The following LRRC4C variants were observed in gnomAD, a reference collection of about 807,000 sequenced individuals.
The protein encoded by LRRC4C is leucine rich repeat containing 4C, also known as leucine-rich repeat-containing protein 4C.
Under a neutral mutation model 33.6 loss-of-function variants are expected in LRRC4C, and 5 were observed. The ratio of observed to expected loss-of-function variants is 0.15; its 90% CI spans 0.08 to 0.31. The LOEUF (loss-of-function observed/expected upper bound fraction) is 0.31. LRRC4C is among the 10% of genes least tolerant of loss of function. LRRC4C has a pLI of 1.00. For synonymous variants in LRRC4C, 329 were observed against 302.0 expected (o/e 1.09, Z -0.93); for missense variants, 560 against 796.7 (o/e 0.70, Z 3.58).
intron 3 of LRRC4C, among the ~76,000 whole-genome samples, chr11:40,327,750 C>G (rs1946168438): frequency 6.6e-6 from 1 of 151,844 alleles, no homozygotes; most frequent in Admixed American, 6.6e-5. Flanking sequence ...TATTAAACTC[C>G]AACAAAAATA....
chr11:40,868,171 G>A (rs1208671145), intron 2 of LRRC4C, among the ~76,000 whole-genome samples: 2 of 152,116 alleles, frequency 1.3e-5, no homozygotes, highest in Non-Finnish European at 2.9e-5. Context: ...GGAATGGCTG[G>A]GGGATGCTTG....
chr11:40,460,821 T>G lies in LRRC4C; in HGVS notation c.-269-141100A>C, dbSNP rs564757888. Among the ~76,000 whole-genome samples the G allele has an allele frequency of 2.6e-5, 4 of 152,220 alleles. No individual in the cohort carries two copies. In the South Asian group the frequency reaches 6.2e-4, roughly 24 times the overall value. On this transcript the variant is annotated intron_variant, in intron 3 of 6. Coordinates refer to ENST00000528697, the MANE Select transcript of LRRC4C (RefSeq NM_001258419.2). ...TATGAGAGACTTGATTGTGAGTGACTAAATGACTGACTGAATAAATAAATG... is the reference window on the plus strand; with the variant it reads ...TATGAGAGACTTGATTGTGAGTGACGAAATGACTGACTGAATAAATAAATG...
At chr11:40,218,692 AATCTATCTATCT>A (rs3041085) in intron 5 of LRRC4C, among the ~76,000 whole-genome samples, 1,886 of 140,092 alleles carry the variant, frequency 0.013, 36 homozygotes, top group African/African-American at 0.044. Flanking sequence ...AATGATAAAG[AATCTATCTATCT>A]ATCTATCTAT....
intron 5 of LRRC4C, among the ~76,000 whole-genome samples, chr11:40,160,725 A>G (rs1859082543): frequency 6.6e-6 from 1 of 152,168 alleles, no homozygotes; most frequent in Admixed American, 6.5e-5. Flanking sequence ...GTCAGTTTCA[A>G]ATGTCTGCCA....
In LRRC4C at chr11:40,969,744, A is replaced by G. The variant is rs192193296; in HGVS notation, c.-495-36021T>C. ...TTAATAGACTATAGAATATTGTAAC[A>G]TAACTTTTATATAAACACAGAAATT... is the stretch of plus-strand genomic sequence containing the variant. On this transcript the variant is annotated intron_variant, in intron 1 of 6. Coordinates refer to ENST00000528697, the MANE Select transcript of LRRC4C (RefSeq NM_001258419.2). Among the ~76,000 whole-genome samples the G allele has an allele frequency of 4.5e-4, 68 of 152,342 alleles. 2 individuals carry two copies. The East Asian group carries it at 0.01, about 23-fold the overall frequency.
At chr11:40,762,535 C>T (rs1364855357) in intron 2 of LRRC4C, among the ~76,000 whole-genome samples, 1 of 152,106 alleles carries the variant, frequency 6.6e-6, no homozygotes, top group Admixed American at 6.6e-5. Context: ...TGAGGTACAA[C>T]AGAGTTGCCA....
At chr11:41,322,106 C>T (rs747432299) in intron 1 of LRRC4C, among the ~76,000 whole-genome samples, 2 of 151,980 alleles carry the variant, frequency 1.3e-5, no homozygotes, top group African/African-American at 2.4e-5. Context: ...CTCAGGTGAT[C>T]TGCCCGCCTC....
intron 1 of LRRC4C, among the ~76,000 whole-genome samples, chr11:41,342,008 T>C (rs997306490): frequency 6.6e-6 from 1 of 151,460 alleles, no homozygotes; most frequent in Non-Finnish European, 1.5e-5. Context: ...TGACCTAACT[T>C]TTCATGAACC....
At chr11:41,265,359 A>G (rs1949115640) in intron 1 of LRRC4C, among the ~76,000 whole-genome samples, 1 of 152,124 alleles carries the variant, frequency 6.6e-6, no homozygotes, top group Non-Finnish European at 1.5e-5. Flanking sequence ...AGCAGAGAGG[A>G]CTGGGCTGGT....
At chr11:40,716,076 GA>G (rs1366514293) in intron 2 of LRRC4C, among the ~76,000 whole-genome samples, 1 of 151,104 alleles carries the variant, frequency 6.6e-6, no homozygotes, top group Non-Finnish European at 1.5e-5. Context: ...CCAGGGCCTA[GA>G]AAAAATCATA....
At chr11:40,960,688 T>G (rs1442467520) in intron 1 of LRRC4C, among the ~76,000 whole-genome samples, 2 of 151,766 alleles carry the variant, frequency 1.3e-5, no homozygotes, top group Admixed American at 6.6e-5. Context: ...ATATATTTAC[T>G]GGGCTCAAGG....
chr11:40,380,123 C>G (rs762891153), intron 3 of LRRC4C, among the ~76,000 whole-genome samples: 3 of 152,110 alleles, frequency 2.0e-5, no homozygotes, highest in Non-Finnish European at 2.9e-5. Flanking sequence ...AAAAATAACC[C>G]TTTTTTGTGG....
intron 1 of LRRC4C, among the ~76,000 whole-genome samples, chr11:40,964,945 C>T (rs894752766): frequency 6.6e-6 from 1 of 152,116 alleles, no homozygotes; most frequent in Non-Finnish European, 1.5e-5. Flanking sequence ...GGAATCACCA[C>T]ACTGACTTCC....
intron 4 of LRRC4C, among the ~76,000 whole-genome samples, chr11:40,310,666 C>T (rs1416012944): frequency 1.3e-5 from 2 of 152,276 alleles, no homozygotes; most frequent in Admixed American, 6.5e-5. Flanking sequence ...TAACTCACAA[C>T]AACCACCCCA....
At position 40,138,870 on chromosome 11, in the gene LRRC4C, G is replaced by T. The variant is rs565260776; in HGVS notation, c.-43+1931C>A. Among the ~76,000 whole-genome samples the T allele has an allele frequency of 9.2e-5, 14 of 152,294 alleles. No individual in the cohort carries two copies. The East Asian group carries it at 2.7e-3, about 29-fold the overall frequency. ...ATAAATAAAGAGCAAGCCACAGCTG[G>T]ATATGAATGTGGATTATGATACACA... On this transcript the variant is annotated intron_variant, in intron 6 of 6. Transcript: ENST00000528697.
intron 1 of LRRC4C, among the ~76,000 whole-genome samples, chr11:41,325,577 T>TTGTGTGTGTGTG (rs71466928): frequency 9.6e-6 from 1 of 104,160 alleles, no homozygotes; most frequent in African/African-American, 3.4e-5. Flanking sequence ...TTTTTTTTTT[T>TTGTGTGTGTGTG]TGTGTGTGTG....
intron 1 of LRRC4C, among the ~76,000 whole-genome samples, chr11:41,440,260 A>G (rs1170352126): frequency 6.6e-6 from 1 of 152,028 alleles, no homozygotes; most frequent in Non-Finnish European, 1.5e-5. Flanking sequence ...TATTTTTGGA[A>G]AAAAGGAGTT....
intron 5 of LRRC4C, among the ~76,000 whole-genome samples, chr11:40,176,614 C>T (rs1181302648): frequency 4.0e-5 from 6 of 150,708 alleles, no homozygotes; most frequent in South Asian, 2.1e-4. Context: ...AAACATAGCT[C>T]GTTGCAGACT....
chr11:41,362,777 C>G (rs535766888), intron 1 of LRRC4C, among the ~76,000 whole-genome samples: 2 of 150,640 alleles, frequency 1.3e-5, no homozygotes, highest in South Asian at 4.2e-4. Flanking sequence ...GCTTCTAGAG[C>G]TGCATTCCTA....
Sources: allele counts gnomAD v4.1 joint callset (sites outside exome capture counted in the v4.1 genomes callset), GRCh38; gene constraint gnomAD v4.1.1; transcripts MANE v1.5; gene names NCBI Gene and HGNC (gene_info 2026-07-23, HGNC 2026-07-21).